Variants in SIDT2 observed in about 807,000 individuals in gnomAD.
SIDT2 encodes SID1 transmembrane family member 2.
SIDT2 carries 68 observed loss-of-function variants against 114.4 expected under a neutral mutation model. That is an observed-to-expected ratio of 0.59 (90% CI 0.49 to 0.73). SIDT2 has a LOEUF of 0.73. SIDT2 is among the 30% of genes least tolerant of loss of function. The pLI is 0.00. For missense variants in SIDT2, 918 were observed against 1,097.1 expected (o/e 0.84, Z 2.31); for synonymous variants, 470 against 438.4 (o/e 1.07, Z -0.90).
intron 1 of SIDT2, 187 bp downstream of exon 1, chr11:117,179,633 G>A: frequency 1.7e-6 from 1 of 588,956 alleles, no homozygotes; most frequent in Non-Finnish European, 2.9e-6. Flanking sequence ...TTTCTCTGAA[G>A]CTCCAGCTGG....
At position 117,188,254 on chromosome 11, in the gene SIDT2, A is replaced by G; in HGVS notation, c.1160-454A>G. The G allele has an allele frequency of 3.0e-6, 1 of 329,978 alleles. No individual in the cohort carries two copies. 20.4% of individuals were successfully genotyped at this position (329,978 alleles called of 1,614,324 possible). On this transcript the variant is annotated intron_variant, in intron 12 of 25. Transcript: ENST00000324225. This position sits in a 1 kb window ranked among gnomAD's most constrained non-coding sequence, Gnocchi z 4.0. Reference sequence around the variant, plus strand: ...ATGGGGGTCACATTCTGGCCTCTGGATAAAGGAGAAATGCTCTTTCTGCAC... The same window carrying G: ...ATGGGGGTCACATTCTGGCCTCTGGGTAAAGGAGAAATGCTCTTTCTGCAC...
At chr11:117,187,850 C>T (rs1315468440) in intron 12 of SIDT2, 151 bp downstream of exon 12, 3 of 768,746 alleles carry the variant, frequency 3.9e-6, no homozygotes. Flanking sequence ...ATCCCCTCCT[C>T]CTTGGCCCCA....
At chr11:117,191,787 T>A in intron 18 of SIDT2, 91 bp from the exon 19 acceptor site, 2 of 1,536,764 alleles carry the variant, frequency 1.3e-6, no homozygotes, top group Non-Finnish European at 1.8e-6. Flanking sequence ...GCACCAGGGC[T>A]CTCTCTTCCT....
rs118183792 is a variant in SIDT2, at chr11:117,192,311, G to T, written c.1930G>T (p.Ala644Ser). The T allele has an allele frequency of 0.011, 16,957 of 1,612,348 alleles. 172 individuals carry two copies. Among genetic ancestry groups the T allele is most frequent in the South Asian group, 0.036 (3,252 of 91,038 alleles). ...WIVFSIIHII[A>S]TLLLSTQLYY... The stretch of plus-strand genomic sequence containing the variant: ...CGTCTTCTCCATCATTCACATCATC[G>T]CCACCCTGCTCCTCAGCACGCAGCT... Residue 644 changes from alanine to serine, a missense_variant, in exon 20 of 26, where the codon GCC (alanine) becomes TCC (serine). Physicochemically the swap from Ala to Ser is moderately conservative, Grantham distance 99 (BLOSUM62 1). Around this residue, in one of 4 missense-constraint regions of SIDT2, gnomAD observed 275 missense variants for 397.6 expected, o/e 0.69. Transcript: ENST00000324225. This position sits in a 1 kb window ranked among gnomAD's most constrained non-coding sequence, Gnocchi z 5.9.
chr11:117,181,727 C>A, intron 2 of SIDT2, 80 bp from the exon 3 acceptor site: 4 of 1,595,588 alleles, frequency 2.5e-6, no homozygotes, highest in Non-Finnish European at 3.4e-6. Context: ...CCAGACGGGG[C>A]GAGGTGGGGC....
chr11:117,179,512 C>T, intron 1 of SIDT2, 66 bp downstream of exon 1: 6 of 1,527,834 alleles, frequency 3.9e-6, no homozygotes, highest in Non-Finnish European at 5.3e-6. Flanking sequence ...GCGATTCTGC[C>T]GCCCCGCTAC....
chr11:117,184,092 G>C lies in SIDT2; in HGVS notation c.821G>C (p.Gly274Ala), dbSNP rs2030403601. ...CTTCCAGATGAACCGGTCGATCAAGGGCACCGCCAGAAAACCCTGTCAGTG... is the reference window on the plus strand; with the variant it reads ...CTTCCAGATGAACCGGTCGATCAAGCGCACCGCCAGAAAACCCTGTCAGTG... ...PFAEDEPVDQ[G>A]HRQKTLSVLV... Residue 274 changes from glycine to alanine, a missense_variant, in exon 8 of 26, where the codon GGG becomes GCG. Transcript: ENST00000324225. 6.2e-7 allele frequency: 1 copy of C among 1,614,032 alleles called. No individual in the cohort carries two copies. The highest frequency in any genetic ancestry group is 8.5e-7 in the Non-Finnish European group (1 of 1,180,040).
intron 1 of SIDT2, chr11:117,179,703 G>A (rs999888117): frequency 1.2e-5 from 6 of 480,472 alleles, no homozygotes; most frequent in Admixed American, 3.8e-5. Context: ...TCCATCAGTT[G>A]TGGTCTGAGC....
intron 11 of SIDT2, 78 bp from the exon 12 acceptor site, chr11:117,187,550 C>T (rs964671051): frequency 6.3e-7 from 1 of 1,596,804 alleles, no homozygotes; most frequent in Admixed American, 1.7e-5. Flanking sequence ...CCTCCAGCCC[C>T]CACACCCTCT....
chr11:117,194,601 G>C (rs929332135), intron 24 of SIDT2, among the ~76,000 whole-genome samples: 6 of 152,212 alleles, frequency 3.9e-5, no homozygotes, highest in African/African-American at 1.2e-4. Flanking sequence ...GTCTCTGAGG[G>C]ACTCATAAAC....
chr11:117,178,907 C>T lies in SIDT2; in HGVS notation c.-357C>T. The T allele has an allele frequency of 4.4e-6, 1 of 227,142 alleles. No homozygotes were observed. Among genetic ancestry groups the T allele is most frequent in the South Asian group, 8.4e-5 (1 of 11,892 alleles). 14.1% of individuals were successfully genotyped at this position (227,142 alleles called of 1,614,324 possible). A position where few individuals can be genotyped will look rare whatever the true frequency, so the allele number is the denominator to read the frequency against. Reference sequence around the variant, plus strand: ...CCCCGCCGCCGGCTCTTCCTCCCTCCCCTTTCCCGGCGTCTCCAGGCTCCC... The same window carrying T: ...CCCCGCCGCCGGCTCTTCCTCCCTCTCCTTTCCCGGCGTCTCCAGGCTCCC... On this transcript the variant is annotated 5_prime_UTR_variant, in exon 1 of 26. Transcript: ENST00000324225.
At chr11:117,185,891 A>ACAG (rs766950584) in intron 8 of SIDT2, 1 of 129,806 alleles carries the variant, frequency 7.7e-6, no homozygotes, top group Non-Finnish European at 1.5e-5. Context: ...AAAAAAAAAA[A>ACAG]AAAAGTAGAA....
At chr11:117,193,824 G>A (rs1359617244) in intron 23 of SIDT2, 29 bp from the exon 24 acceptor site, 1 of 1,561,014 alleles carries the variant, frequency 6.4e-7, no homozygotes, top group African/African-American at 1.4e-5. Flanking sequence ...TAAGCCCTCA[G>A]ACTGCTGTCC....
rs2030170306 is a variant in SIDT2 at position 117,179,364 on chromosome 11, A to C, written c.101A>C (p.Glu34Ala). ...GPKNVSQKDAEFERTYVDEVN... is the reference protein window; with the variant it reads ...GPKNVSQKDAAFERTYVDEVN... Reference sequence around the variant, plus strand: ...AAGAACGTCTCGCAGAAAGACGCCGAGTTTGAGCGCACCTACGTGGACGAG... The same window carrying C: ...AAGAACGTCTCGCAGAAAGACGCCGCGTTTGAGCGCACCTACGTGGACGAG... Residue 34 changes from glutamate (E) to alanine (A), a missense_variant, in exon 1 of 26, where the codon GAG becomes GCG. By Grantham distance (107) the Glu-to-Ala change is moderately radical (BLOSUM62 -1). Around this residue, in one of 4 missense-constraint regions of SIDT2, gnomAD observed 553 missense variants for 600.1 expected, o/e 0.92. Transcript: ENST00000324225. 1.2e-6 allele frequency: 2 copies of C among 1,614,056 alleles called. No homozygotes were observed. Among genetic ancestry groups the C allele is most frequent in the Non-Finnish European group, 1.7e-6 (2 of 1,180,014 alleles).
rs756807237 is a variant in SIDT2, at chr11:117,189,209, G to A, written c.1319G>A (p.Arg440His). The A allele has an allele frequency of 4.3e-6, 7 of 1,614,246 alleles. No individual in the cohort carries two copies. The highest frequency in any genetic ancestry group is 1.1e-5 in the South Asian group (1 of 91,088). Residue 440 changes from arginine to histidine, a missense_variant, in exon 14 of 26, where the codon CGT (arginine) becomes CAT (histidine). Physicochemically the swap from Arg to His is conservative, Grantham distance 29 (BLOSUM62 0). Around this residue, in one of 4 missense-constraint regions of SIDT2, gnomAD observed 553 missense variants for 600.1 expected, o/e 0.92. Transcript: ENST00000324225. ...YVADLARKDK[R>H]VLRKKYQIYF... is the part of the protein sequence containing the mutation. Reference sequence around the variant, plus strand: ...GCTGACCTGGCACGGAAGGACAAGCGTGTTCTGCGGAAAAAGTACCAGATC... The same window carrying A: ...GCTGACCTGGCACGGAAGGACAAGCATGTTCTGCGGAAAAAGTACCAGATC...
Position 117,196,413 on chromosome 11 carries a change from A to C in SIDT2, c.*347A>C. 6.5e-6 allele frequency: 2 copies of C among 305,496 alleles called. No homozygotes were observed. Among genetic ancestry groups the C allele is most frequent in the Non-Finnish European group, 6.2e-6 (1 of 160,030 alleles). 18.9% of individuals were successfully genotyped at this position (305,496 alleles called of 1,614,324 possible). On this transcript the variant is annotated 3_prime_UTR_variant, in exon 26 of 26. Coordinates refer to ENST00000324225, the MANE Select transcript of SIDT2 (RefSeq NM_001040455.2). This position sits in a 1 kb window ranked among gnomAD's most constrained non-coding sequence, Gnocchi z 4.9. The stretch of plus-strand genomic sequence containing the variant: ...ATGGAAGGGACACCCTCCCCATTTC[A>C]TGCCTTGCATTTTGCCCGTCCTCCT...
At position 117,190,471 on chromosome 11, in the gene SIDT2, C is replaced by T; in HGVS notation, c.1618-152C>T. On this transcript the variant is annotated intron_variant, in intron 17 of 25. Coordinates refer to ENST00000324225, the MANE Select transcript of SIDT2 (RefSeq NM_001040455.2). The surrounding 1 kb of genome is among the most constrained non-coding windows in gnomAD (Gnocchi z 4.1). ...ACCCTGCCCTGCCCTCCCTTGCCAG[C>T]CTGCCCAGGCCAGCCCACCCCTGCA... The T allele has an allele frequency of 8.9e-7, 1 of 1,128,992 alleles. No homozygotes were observed. Among genetic ancestry groups the T allele is most frequent in the Non-Finnish European group, 1.2e-6 (1 of 812,400 alleles). 69.9% of individuals were successfully genotyped at this position (1,128,992 alleles called of 1,614,324 possible).
intron 1 of SIDT2, among the ~76,000 whole-genome samples, chr11:117,181,060 C>T (rs1054028361): frequency 6.6e-5 from 10 of 152,014 alleles, no homozygotes; most frequent in African/African-American, 2.4e-4. Flanking sequence ...TGTGTGGGGG[C>T]GTGTGTACAC....
chr11:117,187,647 C>T lies in SIDT2; in HGVS notation c.1107C>T (p.Thr369=), dbSNP rs745798742. ...YGSFENVSGS[T]DGLVDSAGTG... The stretch of plus-strand genomic sequence containing the variant: ...CCACAGAGAATGTTTCTGGATCTAC[C>T]GATGGTCTGGTTGACAGCGCTGGCA... Residue 369 remains threonine (T), a synonymous_variant, in exon 12 of 26, where the codon ACC becomes ACT. Coordinates refer to ENST00000324225, the MANE Select transcript of SIDT2 (RefSeq NM_001040455.2). 9 of 1,613,976 alleles carry T rather than the reference C, an allele frequency of 5.6e-6. No homozygotes were observed. In the South Asian group the frequency reaches 8.8e-5, roughly 16 times the overall value.
Sources: gnomAD v4.1 joint callset for allele counts (sites outside exome capture counted in the v4.1 genomes callset) on GRCh38, gnomAD v4.1.1 for gene constraint, gnomAD v4.1.1 regional missense constraint, Gnocchi (gnomAD v3.1) non-coding constraint, MANE v1.5 for transcripts, NCBI Gene and HGNC (gene_info 2026-07-23, HGNC 2026-07-21) for gene names.